The following DNHD1 variants were observed in gnomAD, a reference collection of about 807,000 sequenced individuals.
DNHD1 encodes the protein dynein heavy chain domain 1.
A neutral mutation model predicts 458.1 loss-of-function variants in DNHD1; 383 were observed. The ratio of observed to expected loss-of-function variants is 0.84; its 90% confidence interval spans 0.77 to 0.91. The LOEUF (loss-of-function observed/expected upper bound fraction) is 0.91, where lower values mean the gene tolerates loss of function less well. Among genes scored for constraint, DNHD1 ranks in the 40% least tolerant of loss-of-function variants. The pLI is 0.00. For missense variants in DNHD1, 5,336 were observed against 5,866.1 expected, an observed-to-expected ratio of 0.91 and a Z score of 2.95; for synonymous variants, 2,203 against 2,376.9, an observed-to-expected ratio of 0.93 and a Z score of 2.13.
intron 4 of DNHD1, among the ~76,000 whole-genome samples, chr11:6,508,061 A>G (rs1852262136): frequency 6.6e-6 from 1 of 152,218 alleles, no homozygotes; most frequent in Non-Finnish European, 1.5e-5. Context: ...TGCTAAAAAT[A>G]TATGTAATGC....
In DNHD1 at chr11:6,545,746, C is replaced by T. The variant is rs1564815818; in HGVS notation, c.4807C>T (p.Arg1603Cys). 9.0e-6 allele frequency: 14 copies of T among 1,551,668 alleles called. No individual in the cohort carries two copies. Among genetic ancestry groups the T allele is most frequent in the Middle Eastern group, 1.7e-4 (1 of 5,992 alleles). Reference sequence around the variant, plus strand: ...TGATCTCACAGACTTTCACTGGGTCCGCCAACTCAAGTATCACTTGGGTTC... The same window carrying T: ...TGATCTCACAGACTTTCACTGGGTCTGCCAACTCAAGTATCACTTGGGTTC... Reference protein sequence around the residue: ...VSDLTDFHWVRQLKYHLGSPH... With the variant: ...VSDLTDFHWVCQLKYHLGSPH... The change falls in exon 21 of 43, where the codon CGC becomes TGC. Residue 1603 changes from arginine to cysteine, a missense_variant. Coordinates refer to ENST00000254579, the MANE Select transcript of DNHD1 (RefSeq NM_144666.3). This position sits in a 1 kb window ranked among gnomAD's most constrained non-coding sequence, Gnocchi z 4.9.
intron 14 of DNHD1, among the ~76,000 whole-genome samples, chr11:6,534,396 C>A (rs577926334): frequency 6.6e-6 from 1 of 151,644 alleles, no homozygotes; most frequent in South Asian, 2.1e-4. Flanking sequence ...GGCTCACAGT[C>A]TGGTAAGGAA....
intron 24 of DNHD1, among the ~76,000 whole-genome samples, chr11:6,551,752 C>T (rs190692038): frequency 3.3e-5 from 5 of 152,012 alleles, no homozygotes; most frequent in East Asian, 1.9e-4. Context: ...ACCATCCTGG[C>T]CAACATGGTG....
At chr11:6,513,041 C>T (rs984806686) in intron 7 of DNHD1, among the ~76,000 whole-genome samples, 5 of 152,054 alleles carry the variant, frequency 3.3e-5, no homozygotes, top group African/African-American at 9.7e-5. Context: ...GAAAAGGAGG[C>T]AGTGGCCTTT....
chr11:6,571,069 C>G lies in DNHD1; in HGVS notation c.13557C>G (p.Arg4519=). 2 of 1,582,756 alleles carry G rather than the reference C, an allele frequency of 1.3e-6. No individual in the cohort carries two copies. The highest frequency in any genetic ancestry group is 1.7e-6 in the Non-Finnish European group (2 of 1,163,300). The change falls in exon 42 of 43, where the codon CGC becomes CGG. Residue 4519 remains arginine, a synonymous_variant. Coordinates refer to ENST00000254579, the MANE Select transcript of DNHD1 (RefSeq NM_144666.3). This position sits in a 1 kb window ranked among gnomAD's most constrained non-coding sequence, Gnocchi z 5.0. ...AGGGCGCACCCCCGTGCCCCTCCCG[C>G]CGCTGTGCTGCGGTGGCCCACGCTC... ...QLKGAPPCPS[R]RCAAVAHALW... is the part of the protein sequence containing the mutation.
chr11:6,550,274 C>T (rs1853313126), intron 24 of DNHD1, among the ~76,000 whole-genome samples: 1 of 152,160 alleles, frequency 6.6e-6, no homozygotes. Flanking sequence ...GATTAAAATT[C>T]AAGTCTATTT....
rs775486492 is a variant in DNHD1 at position 6,539,911 on chromosome 11, A to C, written c.3456A>C (p.Gln1152His). Reference protein sequence around the residue: ...WQNENERIHAQETIRRLQRYW... With the variant: ...WQNENERIHAHETIRRLQRYW... ...ATGAAAATGAACGAATTCATGCCCA[A>C]GAGACTATACGGCGGTTGCAGCGGT... The change falls in exon 18 of 43, where the codon CAA (glutamine) becomes CAC (histidine). Residue 1152 changes from glutamine (Q) to histidine (H), a missense_variant. Physicochemically the swap from Gln to His is conservative, Grantham distance 24. This residue lies in a region of DNHD1 where 3,932 missense variants were observed against 4,365.6 expected (regional missense o/e 0.90). Transcript: ENST00000254579. 1.3e-5 allele frequency: 20 copies of C among 1,551,640 alleles called. No homozygotes were observed. Among genetic ancestry groups the C allele is most frequent in the African/African-American group, 2.7e-5 (2 of 73,066 alleles).
Position 6,556,988 on chromosome 11 carries a change from A to C in DNHD1, c.7693A>C (p.Arg2565=). 1.3e-6 allele frequency: 2 copies of C among 1,551,682 alleles called. No homozygotes were observed. Among genetic ancestry groups the C allele is most frequent in the Non-Finnish European group, 1.7e-6 (2 of 1,146,992 alleles). ...RERALARGLV[R]ASVEAWEAVC... is the part of the protein sequence containing the mutation. ...GCGTGCTCTGGCACGAGGTCTGGTT[A>C]GGGCCTCAGTAGAGGCCTGGGAGGC... The change falls in exon 25 of 43, where the codon AGG becomes CGG. Residue 2565 remains arginine, a synonymous_variant. Transcript: ENST00000254579.
intron 24 of DNHD1, among the ~76,000 whole-genome samples, chr11:6,556,128 A>T (rs986472037): frequency 7.2e-5 from 11 of 152,214 alleles, no homozygotes; most frequent in African/African-American, 2.6e-4. Context: ...ACACATCACC[A>T]GGCCCAGCTA....
At chr11:6,502,661 C>A (rs1852161920) in intron 3 of DNHD1, 92 bp from the exon 4 acceptor site, 1 of 1,243,184 alleles carries the variant, frequency 8.0e-7, no homozygotes, top group Non-Finnish European at 1.1e-6. Context: ...CTGATCTAGT[C>A]CTCCTTTCAC....
rs567344554 is a variant in DNHD1, at chr11:6,546,828, A to C, written c.5889A>C (p.Val1963=). ...KPLVVEELQQ[V]GLDPSPDILG... is the part of the protein sequence containing the mutation. ...TGGTGGTGGAGGAACTGCAACAGGT[A>C]GGTCTGGATCCCAGCCCTGACATTT... Residue 1963 remains valine (V), a synonymous_variant, in exon 21 of 43, where the codon GTA becomes GTC. Transcript: ENST00000254579. 1 of 1,551,822 alleles carries C rather than the reference A, an allele frequency of 6.4e-7. No individual in the cohort carries two copies. The highest frequency in any genetic ancestry group is 8.7e-7 in the Non-Finnish European group (1 of 1,147,014).
chr11:6,569,965 T>A, intron 39 of DNHD1, 44 bp from the exon 40 acceptor site: 2 of 1,554,232 alleles, frequency 1.3e-6, no homozygotes. Context: ...GTCCTCAGCA[T>A]ATAGATGATA....
chr11:6,502,775 C>A lies in DNHD1; in HGVS notation c.769C>A (p.Pro257Thr). 6.2e-7 allele frequency: 1 copy of A among 1,601,778 alleles called. No individual in the cohort carries two copies. The highest frequency in any genetic ancestry group is 1.1e-5 in the South Asian group (1 of 89,168). The change falls in exon 4 of 43, where the codon CCC becomes ACC. Residue 257 changes from proline to threonine, a missense_variant. Transcript: ENST00000254579. ...CAGGTCTCAGCTTGACTATGAAGTT[C>A]CCAGGGAAAAGGCCTTCCAAAAGAG... is the stretch of plus-strand genomic sequence containing the variant. ...ETRSQLDYEV[P>T]REKAFQKSST...
rs138305703 is a variant in DNHD1 at position 6,513,404 on chromosome 11, C to G, written c.1392+1975C>G. ...CCGCAGAGGTAACCAGTACTCTGAC[C>G]TGTGTCACCACAGGTTAATTTTGTC... On this transcript the variant is annotated intron_variant, in intron 7 of 42. Transcript: ENST00000254579. 7.1e-4 allele frequency among the ~76,000 whole-genome samples: 108 copies of G among 152,322 alleles called. 2 individuals carry two copies. The East Asian group carries it at 0.018, about 25-fold the overall frequency.
chr11:6,546,752 G>A lies in DNHD1; in HGVS notation c.5813G>A (p.Ser1938Asn). ...GGGCTGTTGTGTGCGCTTTTCCCTA[G>A]CGCCAGCCAAGTGCTGGCAGAACCT... ...LRGLLCALFP[S>N]ASQVLAEPMT... is the part of the protein sequence containing the mutation. The change falls in exon 21 of 43, where the codon AGC (serine) becomes AAC (asparagine). Residue 1938 changes from serine (S) to asparagine (N), a missense_variant. Around this residue, in one of 4 missense-constraint regions of DNHD1, gnomAD observed 3,932 missense variants for 4,365.6 expected, o/e 0.90. Coordinates refer to ENST00000254579, the MANE Select transcript of DNHD1 (RefSeq NM_144666.3). 3 of 1,551,780 alleles carry A rather than the reference G, an allele frequency of 1.9e-6. No individual in the cohort carries two copies. Among genetic ancestry groups the A allele is most frequent in the African/African-American group, 1.4e-5 (1 of 73,160 alleles).
chr11:6,513,092 G>A (rs1200394304), intron 7 of DNHD1, among the ~76,000 whole-genome samples: 1 of 152,112 alleles, frequency 6.6e-6, no homozygotes, highest in Non-Finnish European at 1.5e-5. Flanking sequence ...ATTGTACCAA[G>A]CTGAATGAGG....
intron 4 of DNHD1, chr11:6,503,156 T>G (rs1015728278): frequency 1.0e-5 from 5 of 482,264 alleles, no homozygotes; most frequent in African/African-American, 1.0e-4. Context: ...GTCTTACACA[T>G]CCTTTTCTCA....
At chr11:6,553,342 CTT>C (rs918033686) in intron 24 of DNHD1, among the ~76,000 whole-genome samples, 14 of 152,286 alleles carry the variant, frequency 9.2e-5, no homozygotes, top group African/African-American at 3.1e-4. Context: ...TAGAAGATAA[CTT>C]TCTCAATTTG....
chr11:6,527,339 G>A (rs4758428), intron 10 of DNHD1, among the ~76,000 whole-genome samples: 103,415 of 152,098 alleles, frequency 0.68, 35,368 homozygotes, highest in East Asian at 0.87. Flanking sequence ...AGGAGGGCAG[G>A]TGGTGGTCAA....
Sources: gnomAD v4.1 joint callset for allele counts (sites outside exome capture counted in the v4.1 genomes callset) on GRCh38, gnomAD v4.1.1 for gene constraint, gnomAD v4.1.1 regional missense constraint, Gnocchi (gnomAD v3.1) non-coding constraint, MANE v1.5 for transcripts, NCBI Gene and HGNC (gene_info 2026-07-23, HGNC 2026-07-21) for gene names.